Variants in SERPINB8 observed in about 807,000 individuals in gnomAD.
SERPINB8 encodes serpin B8.
Under a neutral mutation model 35.3 loss-of-function variants are expected in SERPINB8, and 25 were observed. The observed-to-expected ratio is 0.71, with a 90% confidence interval of 0.52 to 0.99. The LOEUF (loss-of-function observed/expected upper bound fraction) is 0.99, where lower values mean the gene tolerates loss of function less well. Among genes scored for constraint, SERPINB8 ranks in the 50% least tolerant of loss-of-function variants. The pLI is 0.00. For missense variants in SERPINB8, 484 were observed against 446.5 expected (o/e 1.08, Z -0.76); for synonymous variants, 186 against 160.8 (o/e 1.16, Z -1.19).
At chr18:63,977,627 C>T (rs190507059) in intron 1 of SERPINB8, among the ~76,000 whole-genome samples, 7 of 152,280 alleles carry the variant, frequency 4.6e-5, no homozygotes, top group South Asian at 2.1e-4. Context: ...CACACCCGTC[C>T]GCACAAAGAC....
intron 1 of SERPINB8, among the ~76,000 whole-genome samples, chr18:64,000,206 G>A (rs1176699913): frequency 6.6e-6 from 1 of 152,122 alleles, no homozygotes; most frequent in African/African-American, 2.4e-5. Context: ...GCATTGTTGG[G>A]GGCTCATGGC....
At chr18:63,984,612 T>C (rs958164169) in intron 5 of SERPINB8, among the ~76,000 whole-genome samples, 1 of 152,186 alleles carries the variant, frequency 6.6e-6, no homozygotes, top group Non-Finnish European at 1.5e-5. Flanking sequence ...ACAGCAGACC[T>C]TACACATCTC....
At chr18:63,997,147 A>C (rs898632535) in intron 1 of SERPINB8, among the ~76,000 whole-genome samples, 1 of 152,240 alleles carries the variant, frequency 6.6e-6, no homozygotes, top group African/African-American at 2.4e-5. Context: ...GTCAGCTGAA[A>C]GGGAGTCAGC....
downstream of SERPINB8, among the ~76,000 whole-genome samples, chr18:63,993,623 GT>G (rs1272355968): frequency 5.3e-5 from 8 of 152,350 alleles, no homozygotes; most frequent in East Asian, 1.5e-3. Context: ...GTGTCTGCCT[GT>G]TCTAGCAATT....
chr18:64,011,723 G>T (rs985828070), intron 7 of SERPINB8, among the ~76,000 whole-genome samples: 4 of 152,276 alleles, frequency 2.6e-5, no homozygotes, highest in African/African-American at 9.6e-5. Flanking sequence ...ATGGAATGGT[G>T]ATGCAATAGT....
chr18:63,982,292 G>A (rs1181599779), intron 4 of SERPINB8, among the ~76,000 whole-genome samples: 1 of 152,144 alleles, frequency 6.6e-6, no homozygotes, highest in Non-Finnish European at 1.5e-5. Context: ...GGCTACATTT[G>A]CTCTCAGAGT....
chr18:64,001,398 T>A (rs2050873437), intron 1 of SERPINB8, among the ~76,000 whole-genome samples: 1 of 152,152 alleles, frequency 6.6e-6, no homozygotes. Context: ...AAAATCAGAG[T>A]GGGGACCTAA....
At chr18:63,986,129 AAT>A (rs2050749782) in intron 6 of SERPINB8, 1 of 809,232 alleles carries the variant, frequency 1.2e-6, no homozygotes, top group Non-Finnish European at 2.0e-6. Flanking sequence ...AGAGTCTAGA[AAT>A]AGAGTCAAAA....
Position 63,987,111 on chromosome 18 carries a change from G to T in SERPINB8, c.958G>T (p.Glu320Ter), listed in dbSNP as rs757601997. ...LSKVAHKCFV[E>*]VNEEGTEAAA... ...CAAGGTTGCCCACAAGTGCTTCGTG[G>T]AGGTCAATGAGGAAGGCACAGAGGC... The change falls in exon 7 of 7, where the codon GAG becomes TAG. Residue 320 changes from glutamate (E) to a stop codon, truncating the protein, a stop_gained. Coordinates refer to ENST00000397985, the MANE Select transcript of SERPINB8 (RefSeq NM_002640.4). LOFTEE classifies it high-confidence loss of function. 1.2e-6 allele frequency: 2 copies of T among 1,614,194 alleles called. No individual in the cohort carries two copies. The highest frequency in any genetic ancestry group is 8.5e-7 in the Non-Finnish European group (1 of 1,180,042).
chr18:63,981,721 G>T lies in SERPINB8; in HGVS notation c.307G>T (p.Asp103Tyr), dbSNP rs1334629671. Reference sequence around the variant, plus strand: ...TAAACTCAGTGTTTTGTGTTTGCAGGACTTTAAAGAATACTGTCAGAAGTT... The same window carrying T: ...TAAACTCAGTGTTTTGTGTTTGCAGTACTTTAAAGAATACTGTCAGAAGTT... ...FGEKTCDFLP[D>Y]FKEYCQKFYQ... Residue 103 changes from aspartate to tyrosine, a missense_variant and splice_region_variant, in exon 4 of 7, where the codon GAC becomes TAC. Coordinates refer to ENST00000397985, the MANE Select transcript of SERPINB8 (RefSeq NM_002640.4). The T allele has an allele frequency of 5.6e-6, 9 of 1,604,098 alleles. No homozygotes were observed. Among genetic ancestry groups the T allele is most frequent in the Non-Finnish European group, 6.8e-6 (8 of 1,172,736 alleles).
chr18:63,983,139 C>T (rs1212410911), intron 4 of SERPINB8, among the ~76,000 whole-genome samples: 1 of 152,174 alleles, frequency 6.6e-6, no homozygotes, highest in African/African-American at 2.4e-5. Flanking sequence ...AAACATCCTA[C>T]AATGCACAAG....
At chr18:63,976,231 C>A (rs1001411382) in intron 1 of SERPINB8, among the ~76,000 whole-genome samples, 2 of 152,036 alleles carry the variant, frequency 1.3e-5, no homozygotes, top group African/African-American at 4.8e-5. Context: ...CAAATGTTCT[C>A]AATTGTAAGA....
At chr18:64,004,577 T>C (rs1021359451) in intron 1 of SERPINB8, among the ~76,000 whole-genome samples, 2 of 152,222 alleles carry the variant, frequency 1.3e-5, no homozygotes, top group Admixed American at 6.5e-5. Context: ...AAGATCACTT[T>C]TAAGAGCTAT....
intron 7 of SERPINB8, among the ~76,000 whole-genome samples, chr18:64,018,108 A>G (rs1467484718): frequency 2.0e-5 from 3 of 152,210 alleles, no homozygotes; most frequent in Non-Finnish European, 2.9e-5. Flanking sequence ...CTTCTCATAT[A>G]TTCTAGACAA....
At chr18:63,970,372 C>G (rs1245150860) in intron 1 of SERPINB8, 1 of 170,038 alleles carries the variant, frequency 5.9e-6, no homozygotes, top group Non-Finnish European at 1.3e-5. Flanking sequence ...CTGTGGGGGT[C>G]GCCCTGGCAC....
At chr18:63,986,691 C>T in intron 6 of SERPINB8, 183 bp from the exon 7 acceptor site, 1 of 1,406,244 alleles carries the variant, frequency 7.1e-7, no homozygotes. Context: ...CTCCATAAAA[C>T]TGTGAAAAGA....
rs2050775585 is a variant in SERPINB8, at chr18:63,987,267, T to C, written c.1114T>C (p.Ser372Pro). The C allele has an allele frequency of 1.2e-6, 2 of 1,611,932 alleles. No homozygotes were observed. The highest frequency in any genetic ancestry group is 1.1e-5 in the South Asian group (1 of 90,926). The change falls in exon 7 of 7, where the codon TCT becomes CCT. Residue 372 changes from serine to proline, a missense_variant. Coordinates refer to ENST00000397985, the MANE Select transcript of SERPINB8 (RefSeq NM_002640.4). ...CTGCATCTTGTTCTGTGGCAGGTTCTCTTCTCCGTAAAGAGGAGCAATTGC... is the reference window on the plus strand; with the variant it reads ...CTGCATCTTGTTCTGTGGCAGGTTCCCTTCTCCGTAAAGAGGAGCAATTGC... The part of the protein sequence containing the change: ...TNCILFCGRF[S>P]SP
chr18:63,983,314 A>T (rs1413308684), intron 4 of SERPINB8, among the ~76,000 whole-genome samples: 1 of 152,176 alleles, frequency 6.6e-6, no homozygotes, highest in Non-Finnish European at 1.5e-5. Flanking sequence ...AAGTCTGGCA[A>T]ATGCTCTGGT....
At chr18:64,010,348 C>T (rs114680362), downstream of SERPINB8, among the ~76,000 whole-genome samples, 942 of 152,198 alleles carry the variant, frequency 6.2e-3, 11 homozygotes, top group African/African-American at 0.022. Flanking sequence ...AAAATGATCT[C>T]GCATTACTTA....
Sources: gnomAD v4.1 joint callset for allele counts (sites outside exome capture counted in the v4.1 genomes callset) on GRCh38, gnomAD v4.1.1 for gene constraint, MANE v1.5 for transcripts, NCBI Gene and HGNC (gene_info 2026-07-23, HGNC 2026-07-21) for gene names.